Variants in PRSS38 observed in about 807,000 individuals in gnomAD.
PRSS38 encodes the protein marapsin 2.
A neutral mutation model predicts 26.8 loss-of-function variants in PRSS38; 22 were observed. The ratio of observed to expected loss-of-function variants is 0.82; its 90% CI spans 0.59 to 1.17. The LOEUF (loss-of-function observed/expected upper bound fraction) is 1.17, where lower values mean the gene tolerates loss of function less well. PRSS38 is among the 50% of genes most tolerant of loss of function. The pLI, the probability that PRSS38 is intolerant of heterozygous loss-of-function variation, is 0.00. For synonymous variants in PRSS38, 175 were observed against 172.1 expected, an observed-to-expected ratio of 1.02 and a Z score of -0.13; for missense variants, 427 against 422.7, an observed-to-expected ratio of 1.01 and a Z score of -0.09.
intron 3 of PRSS38, among the ~76,000 whole-genome samples, chr1:227,836,024 G>A (rs533422039): frequency 6.6e-6 from 1 of 152,230 alleles, no homozygotes; most frequent in East Asian, 1.9e-4. Flanking sequence ...GATAGCTTAA[G>A]GCCAGGAGTT....
rs543631161 is a variant in PRSS38, at chr1:227,830,704, C to T, written c.583+13224C>T. Among the ~76,000 whole-genome samples, 4 of 151,754 alleles carry T rather than the reference C, an allele frequency of 2.6e-5. No individual in the cohort carries two copies. The South Asian group carries it at 8.3e-4, about 32-fold the overall frequency. On this transcript the variant is annotated intron_variant, in intron 3 of 4. Coordinates refer to ENST00000366757, the Ensembl canonical transcript of PRSS38. Reference sequence around the variant, plus strand: ...ATTTTTAGTAGGGACAGGGTTTCACCATGTTGGCCAGGCTGGTCTCGAACT... The same window carrying T: ...ATTTTTAGTAGGGACAGGGTTTCACTATGTTGGCCAGGCTGGTCTCGAACT...
chr1:227,818,530 T>C (rs1572079825), intron 3 of PRSS38, among the ~76,000 whole-genome samples: 2 of 152,118 alleles, frequency 1.3e-5, no homozygotes, highest in East Asian at 3.9e-4. Context: ...AATGCTGACT[T>C]AGCTGGGCTT....
At chr1:227,836,112 T>G (rs1487592599) in intron 3 of PRSS38, among the ~76,000 whole-genome samples, 3 of 151,840 alleles carry the variant, frequency 2.0e-5, no homozygotes, top group Non-Finnish European at 4.4e-5. Context: ...ACTTTTTTTT[T>G]TTTCGAGACA....
intron 3 of PRSS38, among the ~76,000 whole-genome samples, chr1:227,841,594 C>T (rs1229001865): frequency 6.6e-6 from 1 of 152,194 alleles, no homozygotes; most frequent in African/African-American, 2.4e-5. Flanking sequence ...TTCTTCTATA[C>T]ATTATATTGG....
chr1:227,846,026 C>G, exon 5 of PRSS38: 1 of 1,614,168 alleles, frequency 6.2e-7, no homozygotes, highest in Non-Finnish European at 8.5e-7. Flanking sequence ...GAGCTGGGGC[C>G]GAGGCTGCTC....
intron 3 of PRSS38, among the ~76,000 whole-genome samples, chr1:227,842,094 A>G (rs1213134034): frequency 6.6e-6 from 1 of 152,136 alleles, no homozygotes; most frequent in African/African-American, 2.4e-5. Flanking sequence ...TTCATGAGGG[A>G]TGCACCCCCC....
chr1:227,834,403 T>C (rs4233228), intron 3 of PRSS38, among the ~76,000 whole-genome samples: 17,693 of 152,008 alleles, frequency 0.12, 1,330 homozygotes, highest in East Asian at 0.22. Context: ...GTGTAGTGGC[T>C]CGTGTGTATA....
At chr1:227,842,680 T>C (rs1218346056) in intron 3 of PRSS38, among the ~76,000 whole-genome samples, 1 of 151,976 alleles carries the variant, frequency 6.6e-6, no homozygotes, top group East Asian at 1.9e-4. Context: ...TTCTGGGTTC[T>C]AGCGATTCTC....
intron 3 of PRSS38, among the ~76,000 whole-genome samples, chr1:227,818,635 A>G (rs774402344): frequency 9.1e-4 from 134 of 146,902 alleles, no homozygotes; most frequent in Admixed American, 3.6e-3. Context: ...CCAAAACTGC[A>G]TATCTGCACC....
chr1:227,839,857 G>A (rs1403401328), intron 3 of PRSS38, among the ~76,000 whole-genome samples: 1 of 152,130 alleles, frequency 6.6e-6, no homozygotes, highest in African/African-American at 2.4e-5. Context: ...TAATTCTTCC[G>A]AGGACTTAGC....
intron 3 of PRSS38, among the ~76,000 whole-genome samples, chr1:227,828,765 G>A (rs1022239841): frequency 1.3e-5 from 2 of 152,124 alleles, no homozygotes; most frequent in African/African-American, 4.8e-5. Flanking sequence ...CACCCCCCAG[G>A]GTTATGTAGG....
intron 3 of PRSS38, among the ~76,000 whole-genome samples, chr1:227,822,082 C>T (rs918168411): frequency 6.6e-5 from 10 of 152,080 alleles, no homozygotes; most frequent in African/African-American, 2.4e-4. Flanking sequence ...TCAAGTTCAC[C>T]TATGCTCTCT....
intron 3 of PRSS38, among the ~76,000 whole-genome samples, chr1:227,830,661 TTTA>T (rs573693566): frequency 3.3e-5 from 5 of 151,100 alleles, no homozygotes; most frequent in Admixed American, 6.6e-5. Flanking sequence ...CCTGCTAATT[TTTA>T]TTATTATTAT....
At chr1:227,830,849 C>G (rs1665144657) in intron 3 of PRSS38, among the ~76,000 whole-genome samples, 1 of 151,980 alleles carries the variant, frequency 6.6e-6, no homozygotes. Context: ...ATAATAGTCT[C>G]ATCATTTATT....
At chr1:227,826,166 G>T (rs1312457853) in intron 3 of PRSS38, among the ~76,000 whole-genome samples, 1 of 152,054 alleles carries the variant, frequency 6.6e-6, no homozygotes, top group African/African-American at 2.4e-5. Context: ...ATTCATTCAT[G>T]ATTTGGCTCT....
intron 3 of PRSS38, among the ~76,000 whole-genome samples, chr1:227,841,976 A>C (rs942274156): frequency 2.0e-5 from 3 of 152,134 alleles, no homozygotes; most frequent in African/African-American, 7.2e-5. Flanking sequence ...AAGGGACCAC[A>C]TGGCCAGAGG....
rs779623536 is a variant in PRSS38, at chr1:227,816,180, C to T, written c.239C>T (p.Ala80Val). Residue 80 changes from alanine (A) to valine (V), a missense_variant, in exon 2 of 5, where the codon GCA (alanine) becomes GTA (valine). Coordinates refer to ENST00000366757, the Ensembl canonical transcript of PRSS38. This position sits in a 1 kb window ranked among gnomAD's most constrained non-coding sequence, Gnocchi z 5.1. ...CCGTGGCAGGTCAGCGTGCACTACG[C>T]AGGCCTCCACGTCTGCGGCGGCTCC... is the stretch of plus-strand genomic sequence containing the variant. 1.9e-6 allele frequency: 3 copies of T among 1,613,640 alleles called. No individual in the cohort carries two copies. The highest frequency in any genetic ancestry group is 2.5e-6 in the Non-Finnish European group (3 of 1,179,914).
At chr1:227,819,557 T>C (rs1046290578) in intron 3 of PRSS38, among the ~76,000 whole-genome samples, 6 of 152,196 alleles carry the variant, frequency 3.9e-5, no homozygotes, top group Admixed American at 2.0e-4. Flanking sequence ...TCAGACCATG[T>C]TGAGTAATGT....
rs191915261 is a variant in PRSS38, at chr1:227,835,278, A to G, written c.584-10192A>G. Among the ~76,000 whole-genome samples the G allele has an allele frequency of 4.8e-3, 725 of 152,344 alleles. 1 individual carries two copies. Among genetic ancestry groups the G allele is most frequent in the Non-Finnish European group, 5.2e-3 (355 of 68,024 alleles). ...AGAAACAGTTTAGAAGTTCCTCAAAAAGTTAAACAGGCCAAGTGCACTGCT... is the reference window on the plus strand; with the variant it reads ...AGAAACAGTTTAGAAGTTCCTCAAAGAGTTAAACAGGCCAAGTGCACTGCT... On this transcript the variant is annotated intron_variant, in intron 3 of 4. Transcript: ENST00000366757.
Sources: gnomAD v4.1 joint callset for allele counts (sites outside exome capture counted in the v4.1 genomes callset) on GRCh38, gnomAD v4.1.1 for gene constraint, Gnocchi (gnomAD v3.1) non-coding constraint, MANE v1.5 for transcripts, NCBI Gene and HGNC (gene_info 2026-07-23, HGNC 2026-07-21) for gene names.